Variants in IFFO2 observed in about 807,000 individuals in gnomAD.
The protein encoded by IFFO2 is intermediate filament family orphan 2.
Under a neutral mutation model 53.5 loss-of-function variants are expected in IFFO2, and 19 were observed. The ratio of observed to expected loss-of-function variants is 0.36; its 90% CI spans 0.25 to 0.52. The LOEUF is 0.52. IFFO2 is among the 20% of genes least tolerant of loss of function. The pLI, the probability that IFFO2 is intolerant of heterozygous loss-of-function variation, is 0.94. For missense variants in IFFO2, 570 were observed against 727.4 expected (o/e 0.78, Z 2.49); for synonymous variants, 303 against 313.6 (o/e 0.97, Z 0.36).
intron 1 of IFFO2, among the ~76,000 whole-genome samples, chr1:18,945,860 T>C (rs1471627143): frequency 1.3e-5 from 2 of 152,168 alleles, no homozygotes; most frequent in African/African-American, 4.8e-5. Context: ...ACATGACCAT[T>C]CCCATTTCCA....
chr1:18,926,239 T>C (rs756610228), intron 1 of IFFO2, among the ~76,000 whole-genome samples: 2 of 152,144 alleles, frequency 1.3e-5, no homozygotes, highest in Non-Finnish European at 2.9e-5. Flanking sequence ...AGACTGAACA[T>C]CCCAGCCCAG....
At position 18,938,160 on chromosome 1, in the gene IFFO2, G is replaced by A. The variant is rs546020174; in HGVS notation, c.666-17039C>T. Among the ~76,000 whole-genome samples, 269 of 152,342 alleles carry A rather than the reference G, an allele frequency of 1.8e-3. 5 individuals carry two copies. In the South Asian group the frequency reaches 0.025, roughly 14 times the overall value. ...GATGGGCGTCCAACTCAGCCGCTCC[G>A]CAGCTGGTGATCTGCTAAAGCGACT... On this transcript the variant is annotated intron_variant, in intron 1 of 8. Coordinates refer to ENST00000455833, the MANE Select transcript of IFFO2 (RefSeq NM_001136265.2).
At chr1:18,941,993 G>A (rs764037361) in intron 1 of IFFO2, among the ~76,000 whole-genome samples, 1 of 152,266 alleles carries the variant, frequency 6.6e-6, no homozygotes, top group Non-Finnish European at 1.5e-5. Flanking sequence ...CTCGAGAAGA[G>A]AGGGGACATG....
In IFFO2 at chr1:18,956,053, G is replaced by T. The variant is rs1290924967; in HGVS notation, c.280C>A (p.Arg94=). 5.4e-6 allele frequency: 8 copies of T among 1,471,214 alleles called. No individual in the cohort carries two copies. The highest frequency in any genetic ancestry group is 7.3e-6 in the Non-Finnish European group (8 of 1,097,516). 91.1% of individuals were successfully genotyped at this position (1,471,214 alleles called of 1,614,324 possible). The change falls in exon 1 of 9, where the codon CGG becomes AGG. Residue 94 remains arginine, a synonymous_variant. Coordinates refer to ENST00000455833, the MANE Select transcript of IFFO2 (RefSeq NM_001136265.2). This position sits in a 1 kb window ranked among gnomAD's most constrained non-coding sequence, Gnocchi z 6.4. The part of the protein sequence containing the change: ...QLEQQQSERE[R]RLRYKTFSRE... ...GAGAAGGTCTTGTAGCGCAGCCGCC[G>T]CTCGCGCTCGCTCTGCTGCTGCTCC...
intron 1 of IFFO2, among the ~76,000 whole-genome samples, chr1:18,940,272 C>T (rs939596971): frequency 1.3e-5 from 2 of 152,186 alleles, no homozygotes; most frequent in African/African-American, 4.8e-5. Context: ...GTTGACACAG[C>T]AGAGAAGCAG....
At chr1:18,938,150 C>T (rs1936473363) in intron 1 of IFFO2, among the ~76,000 whole-genome samples, 1 of 152,272 alleles carries the variant, frequency 6.6e-6, no homozygotes, top group South Asian at 2.1e-4. Context: ...GCGTCCAACT[C>T]AGCCGCTCCG....
intron 1 of IFFO2, among the ~76,000 whole-genome samples, chr1:18,938,354 G>A (rs1276140828): frequency 6.6e-6 from 1 of 152,220 alleles, no homozygotes; most frequent in Admixed American, 6.5e-5. Context: ...GGCTGGGAGG[G>A]AGGCTACTGG....
At chr1:18,949,977 G>A (rs1936639208) in intron 1 of IFFO2, among the ~76,000 whole-genome samples, 1 of 152,204 alleles carries the variant, frequency 6.6e-6, no homozygotes, top group Admixed American at 6.5e-5. Context: ...CCTCTAGCTT[G>A]AGGCTCTGAG....
chr1:18,948,561 C>T (rs1936619510), intron 1 of IFFO2, among the ~76,000 whole-genome samples: 1 of 152,238 alleles, frequency 6.6e-6, no homozygotes, highest in South Asian at 2.1e-4. Context: ...AAACCACATC[C>T]TGCTCAGGAA....
intron 1 of IFFO2, among the ~76,000 whole-genome samples, chr1:18,925,826 GGAT>G: frequency 1.2e-5 from 1 of 82,652 alleles, no homozygotes; most frequent in East Asian, 3.9e-4. Context: ...ATGGATGGAT[GGAT>G]GGATGGATGG....
rs537373251 is a variant in IFFO2, at chr1:18,948,432, G to A, written c.665+7236C>T. ...GGCATAGTGAAGCTCAGACCACATC[G>A]CAGGCAAACCCAGACCAGGACCTGG... On this transcript the variant is annotated intron_variant, in intron 1 of 8. Coordinates refer to ENST00000455833, the MANE Select transcript of IFFO2 (RefSeq NM_001136265.2). 1.8e-4 allele frequency among the ~76,000 whole-genome samples: 27 copies of A among 152,330 alleles called. No homozygotes were observed. The South Asian group carries it at 2.7e-3, about 15-fold the overall frequency.
At position 18,947,700 on chromosome 1, in the gene IFFO2, G is replaced by A. The variant is rs1360101674; in HGVS notation, c.665+7968C>T. Among the ~76,000 whole-genome samples the A allele has an allele frequency of 6.6e-6, 1 of 152,202 alleles. No homozygotes were observed. Among genetic ancestry groups the A allele is most frequent in the East Asian group, 1.9e-4 (1 of 5,200 alleles). On this transcript the variant is annotated intron_variant, in intron 1 of 8. Transcript: ENST00000455833. This position sits in a 1 kb window ranked among gnomAD's most constrained non-coding sequence, Gnocchi z 5.0. ...ATTGAGACCTTCTCCAAAGAGCAGG[G>A]GCCTGGACAGGCCTGCTACAGTGGC... is the stretch of plus-strand genomic sequence containing the variant.
chr1:18,940,560 A>AATGG (rs1936506531), intron 1 of IFFO2, among the ~76,000 whole-genome samples: 1 of 125,954 alleles, frequency 7.9e-6, no homozygotes, highest in Admixed American at 7.7e-5. Context: ...CTGATGGACA[A>AATGG]ACGGATGGAT....
chr1:18,927,244 G>A (rs1159733940), intron 1 of IFFO2, among the ~76,000 whole-genome samples: 1 of 152,220 alleles, frequency 6.6e-6, no homozygotes, highest in African/African-American at 2.4e-5. Flanking sequence ...TTGGGAGGGA[G>A]GTGTGGAAAT....
intron 1 of IFFO2, among the ~76,000 whole-genome samples, chr1:18,941,051 ACT>A (rs2148185735): frequency 6.6e-6 from 1 of 152,082 alleles, no homozygotes; most frequent in African/African-American, 2.4e-5. Context: ...CCACTCTGCC[ACT>A]CTCTAGCTTT....
chr1:18,945,843 C>G (rs761895517), intron 1 of IFFO2, among the ~76,000 whole-genome samples: 1 of 152,252 alleles, frequency 6.6e-6, no homozygotes, highest in Non-Finnish European at 1.5e-5. Context: ...CACTTGCCAT[C>G]CACGCAACAT....
intron 8 of IFFO2, among the ~76,000 whole-genome samples, chr1:18,909,667 G>C (rs991276341): frequency 6.6e-6 from 1 of 152,188 alleles, no homozygotes; most frequent in Non-Finnish European, 1.5e-5. Flanking sequence ...CTGTGAAGAG[G>C]TGCCTTCTGC....
chr1:18,938,383 C>G (rs1424075427), intron 1 of IFFO2, among the ~76,000 whole-genome samples: 1 of 152,194 alleles, frequency 6.6e-6, no homozygotes, highest in East Asian at 1.9e-4. Flanking sequence ...CTACAGCGTC[C>G]AGGGCCCCGG....
In IFFO2 at chr1:18,926,005, TTGGATGGATGGA is replaced by T. The variant is rs1364132738; in HGVS notation, c.666-4896_666-4885del. Among the ~76,000 whole-genome samples, 60 of 23,564 alleles carry T rather than the reference TTGGATGGATGGA, an allele frequency of 2.5e-3. 1 individual carries two copies. Among genetic ancestry groups the T allele is most frequent in the African/African-American group, 5.6e-3 (35 of 6,260 alleles). The allele number at this position is 23,564 out of a possible 152,430, so 15.5% of individuals were successfully genotyped here. A position where few individuals can be genotyped will look rare whatever the true frequency, so the allele number is the denominator to read the frequency against. On this transcript the variant is annotated intron_variant, in intron 1 of 8. Coordinates refer to ENST00000455833, the MANE Select transcript of IFFO2 (RefSeq NM_001136265.2). ...ATGGATGGATGGATGGATGGATTGG[TTGGATGGATGGA>T]TGGATGGATGGATGGATGGATGGAT...
Sources: gnomAD v4.1 joint callset for allele counts (sites outside exome capture counted in the v4.1 genomes callset) on GRCh38, gnomAD v4.1.1 for gene constraint, Gnocchi (gnomAD v3.1) non-coding constraint, MANE v1.5 for transcripts, NCBI Gene and HGNC (gene_info 2026-07-23, HGNC 2026-07-21) for gene names.